KLF8: variants seen among roughly 807,000 people sequenced by gnomAD.
The protein encoded by KLF8 is KLF transcription factor 8, also known as Krueppel-like factor 8.
A neutral mutation model predicts 18.2 loss-of-function variants in KLF8; 10 were observed. The observed-to-expected ratio is 0.55, with a 90% CI of 0.34 to 0.93. The LOEUF (loss-of-function observed/expected upper bound fraction) is 0.93, where lower values mean the gene tolerates loss of function less well. Among genes scored for constraint, KLF8 ranks in the 40% least tolerant of loss-of-function variants. The probability of loss-of-function intolerance (pLI) is 0.02; values close to 1 mark genes in which losing one functional copy is unlikely to be tolerated. For synonymous variants in KLF8, 109 were observed against 97.3 expected (o/e 1.12, Z -0.71); for missense variants, 264 against 277.9 (o/e 0.95, Z 0.36).
chrX:56,161,325 A>G, the KLF8 span, among the ~76,000 whole-genome samples: 18 of 111,233 alleles, frequency 1.6e-4, no homozygotes, highest in Admixed American at 3.8e-4. Flanking sequence ...GCCTTGCTAA[A>G]TTGCGGAAGT....
the KLF8 span, among the ~76,000 whole-genome samples, chrX:56,087,482 C>G: frequency 9.0e-6 from 1 of 110,671 alleles, no homozygotes; most frequent in Non-Finnish European, 1.9e-5. Context: ...CCTGTTCCCA[C>G]TTTGCCTTTC....
At chrX:55,960,567 G>C in the KLF8 span, among the ~76,000 whole-genome samples, 2 of 31,194 alleles carry the variant, frequency 6.4e-5, no homozygotes, top group African/African-American at 9.1e-5. Context: ...GAGGAGGAAA[G>C]AAGAAGGAGG....
chrX:56,042,748 G>T, the KLF8 span, among the ~76,000 whole-genome samples: 1 of 111,366 alleles, frequency 9.0e-6, no homozygotes, highest in South Asian at 3.8e-4. Flanking sequence ...CCTGAGAGGG[G>T]TCTCTTGAAG....
chrX:56,020,419 G>A, the KLF8 span, among the ~76,000 whole-genome samples: 8 of 112,069 alleles, frequency 7.1e-5, no homozygotes, highest in Admixed American at 5.7e-4. Flanking sequence ...GAAACAGTGG[G>A]CCTTAAAGTA....
chrX:55,921,086 C>T, the KLF8 span, among the ~76,000 whole-genome samples: 1 of 112,221 alleles, frequency 8.9e-6, no homozygotes, highest in African/African-American at 3.2e-5. Flanking sequence ...TCAGAATGAA[C>T]AGACAACCTA....
the KLF8 span, among the ~76,000 whole-genome samples, chrX:56,224,367 C>A: frequency 1.8e-5 from 2 of 111,314 alleles, no homozygotes; most frequent in African/African-American, 6.5e-5. Context: ...ACAAATTTGT[C>A]ATAGAAAATT....
chrX:55,951,723 A>T, the KLF8 span, among the ~76,000 whole-genome samples: 1 of 110,382 alleles, frequency 9.1e-6, no homozygotes, highest in Admixed American at 9.7e-5. Context: ...GGACCTTAAA[A>T]GATCTGGTAA....
the KLF8 span, among the ~76,000 whole-genome samples, chrX:56,177,197 G>T: frequency 9.0e-6 from 1 of 111,418 alleles, no homozygotes; most frequent in Non-Finnish European, 1.9e-5. Flanking sequence ...AGAGTGTCCA[G>T]TTTTTCTGCT....
At chrX:56,079,362 A>C in the KLF8 span, among the ~76,000 whole-genome samples, 1 of 111,092 alleles carries the variant, frequency 9.0e-6, no homozygotes. Flanking sequence ...CGTTGGTTTC[A>C]AAGAACATCT....
At chrX:56,267,200 A>G in intron 3 of KLF8, 2 of 753,937 alleles carry the variant, frequency 2.7e-6, no homozygotes, top group Non-Finnish European at 3.1e-6. Flanking sequence ...ATGTGGTTCC[A>G]AGCTAAGGGC....
chrX:56,193,905 G>A, the KLF8 span, among the ~76,000 whole-genome samples: 1 of 111,742 alleles, frequency 8.9e-6, no homozygotes, highest in Non-Finnish European at 1.9e-5. Flanking sequence ...CTACTTGCTA[G>A]CACAAGAGAG....
chrX:55,981,230 G>A, the KLF8 span, among the ~76,000 whole-genome samples: 1 of 111,889 alleles, frequency 8.9e-6, no homozygotes, highest in Non-Finnish European at 1.9e-5. Context: ...TAATACCAAC[G>A]TTCAAAAGTA....
intron 1 of KLF8, among the ~76,000 whole-genome samples, chrX:56,247,158 G>T (rs1381448383): frequency 8.9e-6 from 1 of 111,806 alleles, no homozygotes; most frequent in African/African-American, 3.2e-5. Context: ...AGGCTATATG[G>T]TATAGCTTAT....
At chrX:56,084,402 CAAACAAAAA>C in the KLF8 span, among the ~76,000 whole-genome samples, 1 of 110,128 alleles carries the variant, frequency 9.1e-6, no homozygotes, top group East Asian at 2.8e-4. Flanking sequence ...ACAAACAAAA[CAAACAAAAA>C]AAGAAATTCT....
the KLF8 span, among the ~76,000 whole-genome samples, chrX:55,964,416 A>G: frequency 9.0e-6 from 1 of 111,359 alleles, no homozygotes; most frequent in African/African-American, 3.3e-5. Context: ...CCTGTATAAA[A>G]AAATGCAAAA....
chrX:56,149,081 A>G, the KLF8 span, among the ~76,000 whole-genome samples: 1 of 112,155 alleles, frequency 8.9e-6, no homozygotes, highest in Non-Finnish European at 1.9e-5. Flanking sequence ...ATAGAAGCAG[A>G]AAGACCAGTG....
the KLF8 span, among the ~76,000 whole-genome samples, chrX:56,090,677 G>A: frequency 9.9e-5 from 11 of 110,961 alleles, no homozygotes; most frequent in African/African-American, 3.6e-4. Flanking sequence ...TAAATTCAGG[G>A]GGTACCCATT....
rs2066412918 is a variant in KLF8 at position 56,232,570 on chromosome X, C to T, written c.-765C>T. 1.8e-5 allele frequency: 2 copies of T among 111,458 alleles called. No homozygotes were observed. The highest frequency in any genetic ancestry group is 1.9e-4 in the Admixed American group (2 of 10,529). The allele number at this position is 111,458 out of a possible 1,213,427, so 9.2% of individuals were successfully genotyped here. ...GGCAGCTAGGTGCCTCCAAGAAACC[C>T]CGCCCCAGAGGACCCGCACGAGTTG... is the stretch of plus-strand genomic sequence containing the variant. On this transcript the variant is annotated 5_prime_UTR_variant, in exon 1 of 6. Transcript: ENST00000468660.
chrX:55,914,845 AAG>A, the KLF8 span, among the ~76,000 whole-genome samples: 3 of 111,615 alleles, frequency 2.7e-5, no homozygotes, highest in African/African-American at 9.8e-5. Flanking sequence ...AACCATAAAT[AAG>A]AGTCTCTTAT....
Sources: allele counts gnomAD v4.1 joint callset (sites outside exome capture counted in the v4.1 genomes callset), GRCh38; gene constraint gnomAD v4.1.1; transcripts MANE v1.5; gene names NCBI Gene and HGNC (gene_info 2026-07-23, HGNC 2026-07-21).